The following MTHFD1 variants were observed in gnomAD, a reference collection of about 807,000 sequenced individuals.
The protein encoded by MTHFD1 is methylenetetrahydrofolate dehydrogenase, cyclohydrolase and formyltetrahydrofolate synthetase 1.
MTHFD1 carries 44 observed loss-of-function variants against 110.3 expected under a neutral mutation model. The ratio of observed to expected loss-of-function variants is 0.40; its 90% CI spans 0.31 to 0.51. The LOEUF is 0.51. MTHFD1 is among the 20% of genes least tolerant of loss of function. The pLI, the probability that MTHFD1 is intolerant of heterozygous loss-of-function variation, is 0.60. For synonymous variants in MTHFD1, 402 were observed against 428.8 expected, an observed-to-expected ratio of 0.94 and a Z score of 0.77; for missense variants, 909 against 1,173.1, an observed-to-expected ratio of 0.77 and a Z score of 3.29.
intron 20 of MTHFD1, 31 bp downstream of exon 20, chr14:64,442,196 A>G: frequency 6.2e-7 from 1 of 1,613,796 alleles, no homozygotes; most frequent in Non-Finnish European, 8.5e-7. Context: ...CAGTGAATAG[A>G]CTGTATGTTT....
chr14:64,400,665 G>T lies in MTHFD1; in HGVS notation c.42-128G>T, dbSNP rs2077888760. 9 of 706,240 alleles carry T rather than the reference G, an allele frequency of 1.3e-5. No homozygotes were observed. In the Admixed American group the frequency reaches 1.8e-4, roughly 14 times the overall value. 43.7% of individuals were successfully genotyped at this position (706,240 alleles called of 1,614,324 possible). ...ATTGTGCCACTGTACTCCCAGCCTGGGTGACAGAGCGAGACCCTGTGTTAA... is the reference window on the plus strand; with the variant it reads ...ATTGTGCCACTGTACTCCCAGCCTGTGTGACAGAGCGAGACCCTGTGTTAA... On this transcript the variant is annotated intron_variant, in intron 1 of 27. Coordinates refer to ENST00000652337, the MANE Select transcript of MTHFD1 (RefSeq NM_005956.4).
chr14:64,441,703 G>A, intron 19 of MTHFD1: 1 of 551,714 alleles, frequency 1.8e-6, no homozygotes, highest in Non-Finnish European at 3.3e-6. Flanking sequence ...CTGCTCGGAA[G>A]GTTGAGGCAG....
At chr14:64,430,261 A>G in intron 13 of MTHFD1, 31 bp downstream of exon 13, 1 of 1,606,920 alleles carries the variant, frequency 6.2e-7, no homozygotes, top group Non-Finnish European at 8.5e-7. Flanking sequence ...GCTGAATTAG[A>G]TCCCCCTTTT....
chr14:64,410,699 C>G (rs1596536943), intron 2 of MTHFD1, among the ~76,000 whole-genome samples: 1 of 152,164 alleles, frequency 6.6e-6, no homozygotes, highest in East Asian at 1.9e-4. Context: ...CCTCTGGGTG[C>G]TCCTGCCTCT....
Position 64,398,990 on chromosome 14 carries a change from C to T in MTHFD1, c.42-1803C>T, listed in dbSNP as rs535876226. Among the ~76,000 whole-genome samples, 5 of 152,200 alleles carry T rather than the reference C, an allele frequency of 3.3e-5. No homozygotes were observed. The South Asian group carries it at 8.3e-4, about 25-fold the overall frequency. The stretch of plus-strand genomic sequence containing the variant: ...ACTTTCTTTCACTCTAATAAGGAGA[C>T]TGCAGGAGGTTATACTTTTAGCCTT... On this transcript the variant is annotated intron_variant, in intron 1 of 27. Coordinates refer to ENST00000652337, the MANE Select transcript of MTHFD1 (RefSeq NM_005956.4).
chr14:64,457,570 C>A (rs1012844036), intron 26 of MTHFD1, among the ~76,000 whole-genome samples: 2 of 152,010 alleles, frequency 1.3e-5, no homozygotes, highest in South Asian at 2.1e-4. Flanking sequence ...ATTCTCCTGC[C>A]TCAGCCTCCC....
chr14:64,409,165 C>G (rs966259076), intron 2 of MTHFD1, among the ~76,000 whole-genome samples: 1 of 152,184 alleles, frequency 6.6e-6, no homozygotes, highest in Non-Finnish European at 1.5e-5. Flanking sequence ...CAGCGAGAGA[C>G]TTCAGACTTC....
chr14:64,397,179 AT>A (rs1949348381), intron 1 of MTHFD1, among the ~76,000 whole-genome samples: 3 of 17,724 alleles, frequency 1.7e-4, no homozygotes, highest in Non-Finnish European at 3.0e-4. Flanking sequence ...ATATATATAT[AT>A]ATATATATAT....
In MTHFD1 at chr14:64,448,210, T is replaced by C; in HGVS notation, c.2179-7T>C. ...ATCTCATAGGCCTTTCACTGTTGTT[T>C]TTACAGAACCTGGAGCTGGTTGAAA... On this transcript the variant is annotated splice_polypyrimidine_tract_variant and splice_region_variant and intron_variant, in intron 22 of 27. Transcript: ENST00000652337. The C allele has an allele frequency of 6.2e-7, 1 of 1,611,990 alleles. No individual in the cohort carries two copies. Among genetic ancestry groups the C allele is most frequent in the Non-Finnish European group, 8.5e-7 (1 of 1,178,064 alleles).
chr14:64,427,280 G>C, intron 11 of MTHFD1, 57 bp from the exon 12 acceptor site: 1 of 1,589,056 alleles, frequency 6.3e-7, no homozygotes, highest in Non-Finnish European at 8.6e-7. Flanking sequence ...GTATGACTTA[G>C]TGATTCAGAT....
rs199695247 is a variant in MTHFD1 at position 64,446,852 on chromosome 14, G to GT, written c.2179-1357dup. On this transcript the variant is annotated intron_variant, in intron 22 of 27. Coordinates refer to ENST00000652337, the MANE Select transcript of MTHFD1 (RefSeq NM_005956.4). ...CCACCACGCCCAGCCGGTTTTTGGGGTTTTTTTTACAGACAGGGTCTCACT... is the reference window on the plus strand; with the variant it reads ...CCACCACGCCCAGCCGGTTTTTGGGGTTTTTTTTTACAGACAGGGTCTCACT... Among the ~76,000 whole-genome samples, 24 of 151,648 alleles carry GT rather than the reference G, an allele frequency of 1.6e-4. 1 individual carries two copies. The East Asian group carries it at 3.5e-3, about 22-fold the overall frequency.
At chr14:64,450,405 GC>G (rs1436399061) in intron 24 of MTHFD1, among the ~76,000 whole-genome samples, 1 of 152,108 alleles carries the variant, frequency 6.6e-6, no homozygotes, top group East Asian at 1.9e-4. Flanking sequence ...CAAGTTGAGG[GC>G]CCTCACATGC....
Position 64,454,727 on chromosome 14 carries a change from T to G in MTHFD1, c.2570T>G (p.Phe857Cys). Residue 857 changes from phenylalanine to cysteine, a missense_variant, in exon 26 of 28, where the codon TTT becomes TGT. Physicochemically the swap from Phe to Cys is radical, Grantham distance 205. Around this residue, in one of 3 missense-constraint regions of MTHFD1, gnomAD observed 482 missense variants for 646.0 expected, o/e 0.75. Coordinates refer to ENST00000652337, the MANE Select transcript of MTHFD1 (RefSeq NM_005956.4). ...TCTCTTCCCTTCTTTCCCCAGGGCT[T>G]TGGGAATCTCCCCATCTGCATGGCT... ...HKAEVYTKQG[F>C]GNLPICMAKT... The G allele has an allele frequency of 6.2e-7, 1 of 1,613,522 alleles. No individual in the cohort carries two copies. The highest frequency in any genetic ancestry group is 8.5e-7 in the Non-Finnish European group (1 of 1,179,410).
chr14:64,390,629 G>A (rs547338959), intron 1 of MTHFD1, among the ~76,000 whole-genome samples: 5 of 151,852 alleles, frequency 3.3e-5, no homozygotes, highest in African/African-American at 9.7e-5. Flanking sequence ...GATTACAGGC[G>A]TCCGCCACCA....
Position 64,396,833 on chromosome 14 carries a change from C to T in MTHFD1, c.42-3960C>T, listed in dbSNP as rs544249533. On this transcript the variant is annotated intron_variant, in intron 1 of 27. Coordinates refer to ENST00000652337, the MANE Select transcript of MTHFD1 (RefSeq NM_005956.4). Reference sequence around the variant, plus strand: ...TAAAAATCTTATAATAGCTGGGCGCCGTGGCTCACTCCTGTAATCCCAGCA... The same window carrying T: ...TAAAAATCTTATAATAGCTGGGCGCTGTGGCTCACTCCTGTAATCCCAGCA... Among the ~76,000 whole-genome samples the T allele has an allele frequency of 4.0e-5, 6 of 149,606 alleles. No homozygotes were observed. In the South Asian group the frequency reaches 1.1e-3, roughly 27 times the overall value.
intron 15 of MTHFD1, among the ~76,000 whole-genome samples, chr14:64,433,416 G>C (rs1457412000): frequency 6.6e-6 from 1 of 152,030 alleles, no homozygotes; most frequent in Non-Finnish European, 1.5e-5. Flanking sequence ...ACTGTACCCG[G>C]CCTGTTTGTT....
intron 2 of MTHFD1, among the ~76,000 whole-genome samples, chr14:64,405,255 G>A (rs934198767): frequency 6.6e-6 from 1 of 152,118 alleles, no homozygotes; most frequent in Admixed American, 6.6e-5. Context: ...CCTTTTTAAA[G>A]CAACATTGGG....
intron 12 of MTHFD1, among the ~76,000 whole-genome samples, chr14:64,428,585 G>A (rs1456954138): frequency 2.9e-5 from 4 of 136,578 alleles, no homozygotes; most frequent in African/African-American, 5.6e-5. Flanking sequence ...ACACAGTCTC[G>A]CTCTGTTGCC....
intron 1 of MTHFD1, among the ~76,000 whole-genome samples, chr14:64,394,415 A>G (rs1249501059): frequency 2.6e-5 from 4 of 152,134 alleles, no homozygotes; most frequent in African/African-American, 7.2e-5. Flanking sequence ...CATTGTGAGG[A>G]AATCATTCCA....
Sources: allele counts gnomAD v4.1 joint callset (sites outside exome capture counted in the v4.1 genomes callset), GRCh38; gene constraint gnomAD v4.1.1; regional missense constraint gnomAD v4.1.1; transcripts MANE v1.5; gene names NCBI Gene and HGNC (gene_info 2026-07-23, HGNC 2026-07-21).